The following SLC6A3 variants were observed in gnomAD, a reference collection of about 807,000 sequenced individuals.
The protein encoded by SLC6A3 is solute carrier family 6 member 3, also known as sodium-dependent dopamine transporter.
A neutral mutation model predicts 70.4 loss-of-function variants in SLC6A3; 19 were observed. The observed-to-expected ratio is 0.27, with a 90% CI of 0.19 to 0.40. The LOEUF is 0.40. Among genes scored for constraint, SLC6A3 ranks in the 10% least tolerant of loss-of-function variants. The pLI is 1.00. For synonymous variants in SLC6A3, 368 were observed against 356.6 expected (o/e 1.03, Z -0.36); for missense variants, 613 against 838.5 (o/e 0.73, Z 3.32).
At position 1,408,093 on chromosome 5, in the gene SLC6A3, C is replaced by T. The variant is rs1296657987; in HGVS notation, c.1498+933G>A. Among the ~76,000 whole-genome samples, 3 of 152,000 alleles carry T rather than the reference C, an allele frequency of 2.0e-5. No individual in the cohort carries two copies. The highest frequency in any genetic ancestry group is 4.2e-4 in the South Asian group (2 of 4,818). On this transcript the variant is annotated intron_variant, in intron 11 of 14. Coordinates refer to ENST00000270349, the MANE Select transcript of SLC6A3 (RefSeq NM_001044.5). This position sits in a 1 kb window ranked among gnomAD's most constrained non-coding sequence, Gnocchi z 6.4. ...TCGGGTGACTGCAACCTCCGCCTTC[C>T]GGGTTCAAGCTGAATCATATTCCAT...
At chr5:1,414,601 T>C in intron 8 of SLC6A3, 90 bp downstream of exon 8, 1 of 1,483,282 alleles carries the variant, frequency 6.7e-7, no homozygotes, top group Non-Finnish European at 9.2e-7. Context: ...CCCATGCGTC[T>C]CCTTCCTCTT....
Position 1,443,013 on chromosome 5 carries a change from G to A in SLC6A3, c.185C>T (p.Thr62Ile), listed in dbSNP as rs912239761. The stretch of plus-strand genomic sequence containing the variant: ...GAGAAAGTCGATCTTCTTGCCCCAG[G>A]TCTCCCGATCCTGGGCCTCCACGGG... ...QSPVEAQDRE[T>I]WGKKIDFLLS... The change falls in exon 2 of 15, where the codon ACC becomes ATC. Residue 62 changes from threonine (T) to isoleucine (I), a missense_variant. By Grantham distance (89) the Thr-to-Ile change is moderately conservative (BLOSUM62 -1). This residue lies in a region of SLC6A3 where 111 missense variants were observed against 91.6 expected (regional missense o/e 1.21). Transcript: ENST00000270349. 3.7e-6 allele frequency: 6 copies of A among 1,614,190 alleles called. No individual in the cohort carries two copies. Among genetic ancestry groups the A allele is most frequent in the Non-Finnish European group, 4.2e-6 (5 of 1,180,034 alleles).
chr5:1,406,462 C>T lies in SLC6A3; in HGVS notation c.1499-174G>A, dbSNP rs1375299714. Among the ~76,000 whole-genome samples, 1 of 152,192 alleles carries T rather than the reference C, an allele frequency of 6.6e-6. No homozygotes were observed. On this transcript the variant is annotated intron_variant, in intron 11 of 14. Coordinates refer to ENST00000270349, the MANE Select transcript of SLC6A3 (RefSeq NM_001044.5). This position sits in a 1 kb window ranked among gnomAD's most constrained non-coding sequence, Gnocchi z 8.8. ...CCACACCCCAGCCCACTGGGTGCCTCGCTGACGGGTGGGAGCCCACGTGCC... is the reference window on the plus strand; with the variant it reads ...CCACACCCCAGCCCACTGGGTGCCTTGCTGACGGGTGGGAGCCCACGTGCC...
chr5:1,418,799 C>A (rs1479090916), intron 6 of SLC6A3, among the ~76,000 whole-genome samples: 1 of 151,212 alleles, frequency 6.6e-6, no homozygotes, highest in Admixed American at 6.6e-5. Context: ...TCCATCCACC[C>A]AAACATCCAT....
Position 1,404,476 on chromosome 5 carries a change from A to G in SLC6A3, c.1600-1387T>C. The stretch of plus-strand genomic sequence containing the variant: ...TCTTGCTAGATACCACCTTTCTTAG[A>G]AAGAACTATGCCTCCCCAGGCCACA... On this transcript the variant is annotated intron_variant, in intron 12 of 14. Transcript: ENST00000270349. The surrounding 1 kb of genome is among the most constrained non-coding windows in gnomAD (Gnocchi z 5.2). 6.6e-6 allele frequency among the ~76,000 whole-genome samples: 1 copy of G among 152,192 alleles called. No individual in the cohort carries two copies. The highest frequency in any genetic ancestry group is 1.9e-4 in the East Asian group (1 of 5,194).
At chr5:1,410,021 G>A (rs950288861) in intron 9 of SLC6A3, among the ~76,000 whole-genome samples, 172 bp from the exon 10 acceptor site, 1 of 152,222 alleles carries the variant, frequency 6.6e-6, no homozygotes. Context: ...TGTTGGCGAG[G>A]GCTTCTATGG....
intron 7 of SLC6A3, 116 bp from the exon 8 acceptor site, chr5:1,414,931 G>T (rs2126354812): frequency 7.3e-7 from 1 of 1,368,032 alleles, no homozygotes; most frequent in Non-Finnish European, 1.0e-6. Flanking sequence ...TCTTCGGAGG[G>T]GCTACTTTTC....
Position 1,396,193 on chromosome 5 carries a change from G to A in SLC6A3, c.1840-1435C>T, listed in dbSNP as rs144809116. 6.6e-6 allele frequency among the ~76,000 whole-genome samples: 1 copy of A among 152,370 alleles called. No individual in the cohort carries two copies. Among genetic ancestry groups the A allele is most frequent in the Non-Finnish European group, 1.5e-5 (1 of 68,044 alleles). On this transcript the variant is annotated intron_variant, in intron 14 of 14. Coordinates refer to ENST00000270349, the MANE Select transcript of SLC6A3 (RefSeq NM_001044.5). The surrounding 1 kb of genome is among the most constrained non-coding windows in gnomAD (Gnocchi z 7.0). ...TGGAATGCGGAGCGTCCATAGCTGA[G>A]CTGTGGTTTGTTCACGTGACGGACG...
rs890817183 is a variant in SLC6A3, at chr5:1,438,417, G to A, written c.418+2942C>T. ...CCCGGCTGCGCATTGTGGAGAACAC[G>A]ATGATATGCCCACATCCGCCGGCTG... On this transcript the variant is annotated intron_variant, in intron 3 of 14. Transcript: ENST00000270349. The surrounding 1 kb of genome is among the most constrained non-coding windows in gnomAD (Gnocchi z 6.5). Among the ~76,000 whole-genome samples the A allele has an allele frequency of 2.0e-5, 3 of 152,232 alleles. No homozygotes were observed. The highest frequency in any genetic ancestry group is 6.5e-5 in the Admixed American group (1 of 15,284).
chr5:1,411,426 C>G lies in SLC6A3; in HGVS notation c.1157-71G>C, dbSNP rs887116360. 2 of 1,151,022 alleles carry G rather than the reference C, an allele frequency of 1.7e-6. No individual in the cohort carries two copies. The highest frequency in any genetic ancestry group is 2.5e-6 in the Non-Finnish European group (2 of 785,770). The allele number at this position is 1,151,022 out of a possible 1,614,324, so 71.3% of individuals were successfully genotyped here. ...CTCCCGCCCATCCTGCCCCACCCCG[C>G]CCCGAGAAGCATGGCCTGCCACAGG... is the stretch of plus-strand genomic sequence containing the variant. On this transcript the variant is annotated intron_variant, in intron 8 of 14. Transcript: ENST00000270349. The surrounding 1 kb of genome is among the most constrained non-coding windows in gnomAD (Gnocchi z 6.5).
intron 6 of SLC6A3, among the ~76,000 whole-genome samples, chr5:1,417,604 G>A (rs911643975): frequency 1.3e-5 from 2 of 152,376 alleles, no homozygotes; most frequent in East Asian, 1.9e-4. Flanking sequence ...TTGGACCATT[G>A]TGGTATTTTA....
chr5:1,395,151 C>A (rs1425999797), intron 14 of SLC6A3, among the ~76,000 whole-genome samples: 2 of 152,132 alleles, frequency 1.3e-5, no homozygotes, highest in Non-Finnish European at 2.9e-5. Context: ...ACCTCTCCCC[C>A]ACGTCCCTCC....
chr5:1,416,943 C>T (rs1169903622), intron 6 of SLC6A3, among the ~76,000 whole-genome samples: 1 of 152,164 alleles, frequency 6.6e-6, no homozygotes, highest in East Asian at 1.9e-4. Flanking sequence ...TGATAACCCT[C>T]AGAAAGTCAT....
intron 11 of SLC6A3, among the ~76,000 whole-genome samples, chr5:1,407,097 T>C (rs1407562910): frequency 6.6e-6 from 1 of 152,240 alleles, no homozygotes; most frequent in South Asian, 2.1e-4. Flanking sequence ...CAGTCCACTT[T>C]AGAAATGCAT....
Position 1,404,107 on chromosome 5 carries a change from C to T in SLC6A3, c.1600-1018G>A, listed in dbSNP as rs1755914843. 1.3e-5 allele frequency among the ~76,000 whole-genome samples: 2 copies of T among 152,232 alleles called. No individual in the cohort carries two copies. The highest frequency in any genetic ancestry group is 4.8e-5 in the African/African-American group (2 of 41,448). On this transcript the variant is annotated intron_variant, in intron 12 of 14. Transcript: ENST00000270349. The surrounding 1 kb of genome is among the most constrained non-coding windows in gnomAD (Gnocchi z 5.2). Reference sequence around the variant, plus strand: ...TTCCTCAATTTCAGAAAAGTTAAAACATCCAAGCCTTCCACCTGAAAAGCA... The same window carrying T: ...TTCCTCAATTTCAGAAAAGTTAAAATATCCAAGCCTTCCACCTGAAAAGCA...
Position 1,402,892 on chromosome 5 carries a change from C to A in SLC6A3, c.1767+30G>T, listed in dbSNP as rs750351593. Reference sequence around the variant, plus strand: ...GGAGCCTTTCTGGTGGCCTCACACTCGGGTGAAGGCGCCCCGTCCAAATAC... The same window carrying A: ...GGAGCCTTTCTGGTGGCCTCACACTAGGGTGAAGGCGCCCCGTCCAAATAC... On this transcript the variant is annotated intron_variant, in intron 13 of 14. Transcript: ENST00000270349. The surrounding 1 kb of genome is among the most constrained non-coding windows in gnomAD (Gnocchi z 8.5). The A allele has an allele frequency of 6.2e-7, 1 of 1,609,836 alleles. No homozygotes were observed. Among genetic ancestry groups the A allele is most frequent in the South Asian group, 1.1e-5 (1 of 90,726 alleles).
In SLC6A3 at chr5:1,413,980, C is replaced by G. The variant is rs965342732; in HGVS notation, c.1156+711G>C. On this transcript the variant is annotated intron_variant, in intron 8 of 14. Coordinates refer to ENST00000270349, the MANE Select transcript of SLC6A3 (RefSeq NM_001044.5). The surrounding 1 kb of genome is among the most constrained non-coding windows in gnomAD (Gnocchi z 7.1). ...ACCACTCACCTGTGCCTGCCCGAGA[C>G]CTGGACCCCTCCCCACCCTCTCGGA... Among the ~76,000 whole-genome samples, 1 of 152,198 alleles carries G rather than the reference C, an allele frequency of 6.6e-6. No individual in the cohort carries two copies. Among genetic ancestry groups the G allele is most frequent in the African/African-American group, 2.4e-5 (1 of 41,452 alleles).
At chr5:1,433,027 C>T (rs1018748656) in intron 3 of SLC6A3, among the ~76,000 whole-genome samples, 1 of 152,114 alleles carries the variant, frequency 6.6e-6, no homozygotes, top group African/African-American at 2.4e-5. Flanking sequence ...CACCCTTATG[C>T]ACCCAGAGAC....
intron 4 of SLC6A3, among the ~76,000 whole-genome samples, chr5:1,422,463 C>G (rs2975288): frequency 2.8e-3 from 226 of 79,994 alleles, no homozygotes; most frequent in East Asian, 6.0e-3. Flanking sequence ...GCTGCCCACG[C>G]TGCTGGGTGC....
Sources: gnomAD v4.1 joint callset for allele counts (sites outside exome capture counted in the v4.1 genomes callset) on GRCh38, gnomAD v4.1.1 for gene constraint, gnomAD v4.1.1 regional missense constraint, Gnocchi (gnomAD v3.1) non-coding constraint, MANE v1.5 for transcripts, NCBI Gene and HGNC (gene_info 2026-07-23, HGNC 2026-07-21) for gene names.